The following SMURF2 variants were observed in gnomAD, a reference collection of about 807,000 sequenced individuals.
SMURF2 encodes the protein SMAD specific E3 ubiquitin protein ligase 2.
SMURF2 carries 48 observed loss-of-function variants against 109.6 expected under a neutral mutation model. That is an observed-to-expected ratio of 0.44 (90% CI 0.35 to 0.56). The LOEUF (loss-of-function observed/expected upper bound fraction) is 0.56. Ranked by LOEUF, SMURF2 falls within the 20% of genes least tolerant of loss-of-function variation. SMURF2 has a pLI of 0.01. For synonymous variants in SMURF2, 288 were observed against 317.1 expected (o/e 0.91, Z 0.97); for missense variants, 575 against 909.0 (o/e 0.63, Z 4.72).
intron 16 of SMURF2, 137 bp downstream of exon 16, chr17:64,551,447 G>A (rs2144589334): frequency 2.1e-6 from 2 of 934,044 alleles, no homozygotes; most frequent in South Asian, 1.9e-5. Context: ...GACTTTTCCT[G>A]TGAATAAGAA....
At chr17:64,657,547 G>A (rs1386141849) in intron 1 of SMURF2, among the ~76,000 whole-genome samples, 1 of 150,944 alleles carries the variant, frequency 6.6e-6, no homozygotes, top group Non-Finnish European at 1.5e-5. Flanking sequence ...AAAAAAAAAG[G>A]TAAAAAAATC....
At chr17:64,595,089 A>G (rs1411290089) in intron 3 of SMURF2, among the ~76,000 whole-genome samples, 1 of 152,190 alleles carries the variant, frequency 6.6e-6, no homozygotes, top group African/African-American at 2.4e-5. Flanking sequence ...CTCAGTCCTC[A>G]GGGCAACGCA....
chr17:64,645,288 G>C (rs550979593), intron 1 of SMURF2, among the ~76,000 whole-genome samples: 6 of 152,254 alleles, frequency 3.9e-5, no homozygotes, highest in Non-Finnish European at 5.9e-5. Context: ...AAATTCAGAG[G>C]AAGAAAAGAG....
intron 1 of SMURF2, among the ~76,000 whole-genome samples, chr17:64,627,833 T>A (rs1555691296): frequency 6.6e-6 from 1 of 152,168 alleles, no homozygotes; most frequent in African/African-American, 2.4e-5. Flanking sequence ...CACTCAAAAA[T>A]TTGGCTTTTC....
At chr17:64,596,585 C>CAAAAAAAAAAAAAAAAAAA (rs201858792) in intron 3 of SMURF2, among the ~76,000 whole-genome samples, 5 of 45,454 alleles carry the variant, frequency 1.1e-4, no homozygotes, top group Non-Finnish European at 2.0e-4. Context: ...GGAGAGTAAA[C>CAAAAAAAAAAAAAAAAAAA]AAAAAAAAAA....
At chr17:64,616,368 TTGGCTGGGCACGG>T in intron 1 of SMURF2, among the ~76,000 whole-genome samples, 1 of 151,842 alleles carries the variant, frequency 6.6e-6, no homozygotes, top group Non-Finnish European at 1.5e-5. Context: ...AGAGCTAGAG[TTGGCTGGGCACGG>T]TGGCTCTGCC....
chr17:64,580,658 A>G (rs1969565803), intron 8 of SMURF2, 131 bp downstream of exon 8: 1 of 885,988 alleles, frequency 1.1e-6, no homozygotes, highest in African/African-American at 1.7e-5. Flanking sequence ...CAAAGTTGGG[A>G]GGTTTTATAT....
chr17:64,583,377 T>A, intron 7 of SMURF2, 84 bp downstream of exon 7: 1 of 1,132,782 alleles, frequency 8.8e-7, no homozygotes, highest in Non-Finnish European at 1.3e-6. Flanking sequence ...AGAAAAAAAA[T>A]CTAGTAAAGC....
chr17:64,552,860 C>A (rs192352087), intron 15 of SMURF2, among the ~76,000 whole-genome samples: 16 of 152,154 alleles, frequency 1.1e-4, no homozygotes, highest in Middle Eastern at 3.4e-3. Context: ...CCTGCCAACA[C>A]GCTTAGCTAA....
chr17:64,553,187 C>T (rs1269563359), intron 15 of SMURF2, among the ~76,000 whole-genome samples: 2 of 151,972 alleles, frequency 1.3e-5, no homozygotes. Context: ...TATTTGGTTG[C>T]AGCCTCCTGA....
In SMURF2 at chr17:64,581,069, T is replaced by C. The variant is rs1317061105; in HGVS notation, c.570-78A>G. 4.8e-6 allele frequency: 6 copies of C among 1,243,426 alleles called. No homozygotes were observed. The highest frequency in any genetic ancestry group is 7.0e-6 in the Non-Finnish European group (6 of 861,874). 77.0% of individuals were successfully genotyped at this position (1,243,426 alleles called of 1,614,324 possible). A position where few individuals can be genotyped will look rare whatever the true frequency, so the allele number is the denominator to read the frequency against. ...AGTTCTCTAGACAATATATATATAC[T>C]GCAGTAACAACCACTTATCATGTCT... On this transcript the variant is annotated intron_variant, in intron 7 of 18. Coordinates refer to ENST00000262435, the MANE Select transcript of SMURF2 (RefSeq NM_022739.4). The surrounding 1 kb of genome is among the most constrained non-coding windows in gnomAD (Gnocchi z 4.3).
At chr17:64,573,148 AGG>A (rs1969426645) in intron 9 of SMURF2, 1 of 33,062 alleles carries the variant, frequency 3.0e-5, no homozygotes, top group Non-Finnish European at 5.0e-5. Context: ...GAGGAGGAGG[AGG>A]AGGAGGAGGA....
chr17:64,606,986 T>G (rs1168500950), intron 1 of SMURF2, among the ~76,000 whole-genome samples: 1 of 152,076 alleles, frequency 6.6e-6, no homozygotes, highest in South Asian at 2.1e-4. Flanking sequence ...CAGGTTGTTA[T>G]ATCTATTTTA....
intron 2 of SMURF2, among the ~76,000 whole-genome samples, chr17:64,599,047 A>G (rs1555688339): frequency 6.6e-6 from 1 of 152,242 alleles, no homozygotes; most frequent in African/African-American, 2.4e-5. Context: ...ACTATACATG[A>G]AAAACAAAAC....
At chr17:64,648,582 G>A (rs781874337) in intron 1 of SMURF2, among the ~76,000 whole-genome samples, 1 of 151,920 alleles carries the variant, frequency 6.6e-6, no homozygotes, top group African/African-American at 2.4e-5. Flanking sequence ...GACCAGCCTG[G>A]GCAACATAAT....
At chr17:64,586,419 T>A (rs1207035861) in intron 5 of SMURF2, among the ~76,000 whole-genome samples, 1 of 152,146 alleles carries the variant, frequency 6.6e-6, no homozygotes, top group Non-Finnish European at 1.5e-5. Flanking sequence ...TTCACCATAG[T>A]AATGGTGCAT....
At chr17:64,605,721 G>A (rs1003400311) in intron 2 of SMURF2, among the ~76,000 whole-genome samples, 2 of 121,968 alleles carry the variant, frequency 1.6e-5, no homozygotes, top group African/African-American at 3.2e-5. Context: ...TGGGTGACAG[G>A]GCAAGATCCT....
chr17:64,588,091 C>CAAAAAA (rs375759315), intron 5 of SMURF2, among the ~76,000 whole-genome samples: 1 of 68,894 alleles, frequency 1.5e-5, no homozygotes, highest in Non-Finnish European at 3.3e-5. Context: ...GTTTATGGTC[C>CAAAAAA]AAAAAAAAAA....
intron 1 of SMURF2, among the ~76,000 whole-genome samples, chr17:64,642,391 T>C (rs944187633): frequency 1.3e-5 from 2 of 152,216 alleles, no homozygotes; most frequent in Non-Finnish European, 2.9e-5. Context: ...TGGATAAATA[T>C]ACTTATCAGG....
Sources: gnomAD v4.1 joint callset for allele counts (sites outside exome capture counted in the v4.1 genomes callset) on GRCh38, gnomAD v4.1.1 for gene constraint, Gnocchi (gnomAD v3.1) non-coding constraint, MANE v1.5 for transcripts, NCBI Gene and HGNC (gene_info 2026-07-23, HGNC 2026-07-21) for gene names.